HEG1: variants seen among roughly 807,000 people sequenced by gnomAD.
HEG1 encodes protein HEG homolog 1.
Under a neutral mutation model 125.6 loss-of-function variants are expected in HEG1, and 56 were observed. The ratio of observed to expected loss-of-function variants is 0.45; its 90% CI spans 0.36 to 0.56. The LOEUF (loss-of-function observed/expected upper bound fraction) is 0.56. Among genes scored for constraint, HEG1 ranks in the 20% least tolerant of loss-of-function variants. The pLI is 0.00. For synonymous variants in HEG1, 644 were observed against 668.5 expected, an observed-to-expected ratio of 0.96 and a Z score of 0.57; for missense variants, 1,523 against 1,670.0, an observed-to-expected ratio of 0.91 and a Z score of 1.53.
intron 1 of HEG1, among the ~76,000 whole-genome samples, chr3:125,040,081 GAGAGAA>G (rs1279577214): frequency 1.3e-5 from 2 of 152,186 alleles, no homozygotes; most frequent in Admixed American, 6.5e-5. Flanking sequence ...AAAAGAATAA[GAGAGAA>G]AGAGTGGAGC....
chr3:125,000,654 T>C (rs1488556105), intron 11 of HEG1, among the ~76,000 whole-genome samples: 1 of 152,052 alleles, frequency 6.6e-6, no homozygotes, highest in African/African-American at 2.4e-5. Flanking sequence ...GCTCCAGCTC[T>C]TATCCCAGAA....
chr3:125,055,685 G>C lies in HEG1; in HGVS notation c.206C>G (p.Pro69Arg). The change falls in exon 1 of 17, where the codon CCC (proline) becomes CGC (arginine). Residue 69 changes from proline to arginine, a missense_variant. Transcript: ENST00000311127. ...RPEREPPPTP[P>R]RERRGPATPG... ...GGTCGCGGGCCCGCGGCGCTCCCGGGGCGGCGTGGGCGGCGGCTCGCGCTC... is the reference window on the plus strand; with the variant it reads ...GGTCGCGGGCCCGCGGCGCTCCCGGCGCGGCGTGGGCGGCGGCTCGCGCTC... 3 of 1,115,974 alleles carry C rather than the reference G, an allele frequency of 2.7e-6. No individual in the cohort carries two copies. Among genetic ancestry groups the C allele is most frequent in the Non-Finnish European group, 3.3e-6 (3 of 914,924 alleles). 69.1% of individuals were successfully genotyped at this position (1,115,974 alleles called of 1,614,324 possible).
intron 14 of HEG1, among the ~76,000 whole-genome samples, chr3:124,980,665 C>A (rs150554398): frequency 6.6e-6 from 1 of 151,996 alleles, no homozygotes; most frequent in Non-Finnish European, 1.5e-5. Flanking sequence ...TACAGGCACG[C>A]GCCACCATGC....
At chr3:125,043,598 T>C (rs1937619359) in intron 1 of HEG1, among the ~76,000 whole-genome samples, 1 of 152,042 alleles carries the variant, frequency 6.6e-6, no homozygotes, top group Non-Finnish European at 1.5e-5. Context: ...CTTTGACAAA[T>C]AAACATCCAA....
In HEG1 at chr3:125,013,284, T is replaced by C; in HGVS notation, c.2295A>G (p.Ser765=). 1.9e-6 allele frequency: 3 copies of C among 1,614,032 alleles called. No individual in the cohort carries two copies. The highest frequency in any genetic ancestry group is 2.5e-6 in the Non-Finnish European group (3 of 1,179,900). The change falls in exon 6 of 17, where the codon TCA becomes TCG. Residue 765 remains serine (S), a synonymous_variant. Transcript: ENST00000311127. ...GACTACTATGGAGCATTGTCATGAA[T>C]GATGTCATTGTTGATGTCTGAAATG... ...VTSFQTSTMT[S]FMTMLHSSQT...
At chr3:125,045,358 A>C (rs1412600090) in intron 1 of HEG1, among the ~76,000 whole-genome samples, 1 of 152,224 alleles carries the variant, frequency 6.6e-6, no homozygotes, top group East Asian at 1.9e-4. Context: ...AGTATTCCCC[A>C]GAGACAACTC....
rs575174383 is a variant in HEG1 at position 125,013,419 on chromosome 3, T to C, written c.2160A>G (p.Pro720=). 2 of 1,613,904 alleles carry C rather than the reference T, an allele frequency of 1.2e-6. No homozygotes were observed. Among genetic ancestry groups the C allele is most frequent in the Admixed American group, 1.7e-5 (1 of 60,020 alleles). Residue 720 remains proline, a synonymous_variant, in exon 6 of 17, where the codon CCA becomes CCG. Transcript: ENST00000311127. ...TPWSSSPSPL[P]VSLTTSTSAP... is the part of the protein sequence containing the mutation. ...CAGATGTAGATGTCGTTAAGGATACTGGTAAAGGTGATGGTGAGGAAGACC... is the reference window on the plus strand; with the variant it reads ...CAGATGTAGATGTCGTTAAGGATACCGGTAAAGGTGATGGTGAGGAAGACC...
chr3:125,046,398 TAC>T (rs10522507), intron 1 of HEG1, among the ~76,000 whole-genome samples: 4,665 of 141,446 alleles, frequency 0.033, 107 homozygotes, highest in East Asian at 0.12. Flanking sequence ...TATATACACA[TAC>T]ACACACACAC....
At position 125,013,070 on chromosome 3, in the gene HEG1, G is replaced by T; in HGVS notation, c.2509C>A (p.Gln837Lys). The T allele has an allele frequency of 6.2e-7, 1 of 1,614,048 alleles. No homozygotes were observed. The change falls in exon 6 of 17, where the codon CAA becomes AAA. Residue 837 changes from glutamine to lysine, a missense_variant. Gln to Lys is a moderately conservative substitution (Grantham distance 53, BLOSUM62 1). Coordinates refer to ENST00000311127, the MANE Select transcript of HEG1 (RefSeq NM_020733.2). Reference sequence around the variant, plus strand: ...GTAGTTGTGAAAGTTGGAGACATTTGTGCTAAGTTGGTGCTTGTGGCTGGA... The same window carrying T: ...GTAGTTGTGAAAGTTGGAGACATTTTTGCTAAGTTGGTGCTTGTGGCTGGA... ...TLPATSTNLA[Q>K]MSPTFTTTIL...
chr3:124,980,009 G>A (rs1936620396), intron 14 of HEG1, among the ~76,000 whole-genome samples: 1 of 152,144 alleles, frequency 6.6e-6, no homozygotes, highest in Non-Finnish European at 1.5e-5. Context: ...AGATACACAG[G>A]AAACAAAGCC....
Position 124,973,970 on chromosome 3 carries a change from A to C in HEG1, c.3822-65T>G. The C allele has an allele frequency of 3.7e-6, 4 of 1,092,498 alleles. No individual in the cohort carries two copies. In the East Asian group the frequency reaches 9.6e-5, roughly 26 times the overall value. The allele number at this position is 1,092,498 out of a possible 1,614,324, so 67.7% of individuals were successfully genotyped here. On this transcript the variant is annotated intron_variant, in intron 15 of 16. Coordinates refer to ENST00000311127, the MANE Select transcript of HEG1 (RefSeq NM_020733.2). ...AAGAAGTGATACTGTGAAAGCACCA[A>C]CTATGATTTTATAATGTAAATTCAA...
At chr3:124,990,167 G>A (rs1936806225) in intron 14 of HEG1, among the ~76,000 whole-genome samples, 1 of 151,890 alleles carries the variant, frequency 6.6e-6, no homozygotes, top group African/African-American at 2.4e-5. Context: ...TCTTCTGTGG[G>A]CACAGTCCCT....
At chr3:124,978,487 C>T (rs1005282086) in intron 14 of HEG1, among the ~76,000 whole-genome samples, 2 of 152,156 alleles carry the variant, frequency 1.3e-5, no homozygotes, top group South Asian at 2.1e-4. Flanking sequence ...GATGGTGGCT[C>T]CTAACTTTTA....
At chr3:125,050,212 C>T (rs1937773638) in intron 1 of HEG1, among the ~76,000 whole-genome samples, 1 of 149,052 alleles carries the variant, frequency 6.7e-6, no homozygotes, top group African/African-American at 2.5e-5. Context: ...GGTGTACTCT[C>T]GGCTAACTGC....
chr3:124,981,914 T>G (rs1245972221), intron 14 of HEG1, among the ~76,000 whole-genome samples: 1 of 65,612 alleles, frequency 1.5e-5, no homozygotes, highest in East Asian at 7.4e-4. Context: ...ACATACATAT[T>G]TTTTTTTTTT....
At chr3:125,012,048 C>T (rs545365199) in intron 6 of HEG1, among the ~76,000 whole-genome samples, 84 of 152,262 alleles carry the variant, frequency 5.5e-4, no homozygotes, top group Admixed American at 2.6e-3. Flanking sequence ...CATGTCTCCC[C>T]ACTCCCATTT....
At position 125,010,555 on chromosome 3, in the gene HEG1, A is replaced by AC; in HGVS notation, c.2957-1dup (p.Val986GlyfsTer36). On this transcript the variant is annotated frameshift_variant and splice_region_variant. Coordinates refer to ENST00000311127, the MANE Select transcript of HEG1 (RefSeq NM_020733.2). LOFTEE classifies it high-confidence loss of function. Reference sequence around the variant, plus strand: ...ACAAGGGTTCACAGCACAGCTGTTGACTACAAACACATTCCAGGAGTAAAG... The same window carrying AC: ...ACAAGGGTTCACAGCACAGCTGTTGACCTACAAACACATTCCAGGAGTAAAG... 6.5e-7 allele frequency: 1 copy of AC among 1,540,184 alleles called. No individual in the cohort carries two copies. Among genetic ancestry groups the AC allele is most frequent in the Non-Finnish European group, 8.8e-7 (1 of 1,137,152 alleles).
In HEG1 at chr3:125,019,510, GC is replaced by G. The variant is rs1159657062; in HGVS notation, c.1339del (p.Ala447HisfsTer3). ...SQTETVSRSVAPMRGGEITAH... is the reference protein window; with the variant it reads ...SQTETVSRSVXPMRGGEITAH... ...AGTGATCTCTCCACCTCTCATGGGT[GC>G]GACTGACCTAGACACAGTCTCAGTC... On this transcript the variant is annotated frameshift_variant, in exon 5 of 17. Transcript: ENST00000311127. LOFTEE classifies it high-confidence loss of function. 1 of 1,613,882 alleles carries G rather than the reference GC, an allele frequency of 6.2e-7. No individual in the cohort carries two copies.
intron 4 of HEG1, 48 bp downstream of exon 4, chr3:125,020,744 A>G (rs770159859): frequency 1.3e-5 from 19 of 1,505,168 alleles, no homozygotes; most frequent in Admixed American, 1.9e-5. Context: ...AGAAAATTCA[A>G]TGATTTACAA....
Sources: allele counts gnomAD v4.1 joint callset (sites outside exome capture counted in the v4.1 genomes callset), GRCh38; gene constraint gnomAD v4.1.1; transcripts MANE v1.5; gene names NCBI Gene and HGNC (gene_info 2026-07-23, HGNC 2026-07-21).